Variants in EPHB2 observed in about 807,000 individuals in gnomAD.
The protein encoded by EPHB2 is ephrin type-B receptor 2.
Under a neutral mutation model 96.4 loss-of-function variants are expected in EPHB2, and 18 were observed. That is an observed-to-expected ratio of 0.19 (90% CI 0.13 to 0.28). The LOEUF (loss-of-function observed/expected upper bound fraction) is 0.28, where lower values mean the gene tolerates loss of function less well. EPHB2 is among the 10% of genes least tolerant of loss of function. EPHB2 has a pLI of 1.00. For missense variants in EPHB2, 989 were observed against 1,355.4 expected, an observed-to-expected ratio of 0.73 and a Z score of 4.25; for synonymous variants, 506 against 534.1, an observed-to-expected ratio of 0.95 and a Z score of 0.72.
Position 22,738,520 on chromosome 1 carries a change from CAAAGT to C in EPHB2, c.61+27480_61+27484del, listed in dbSNP as rs367840618. Among the ~76,000 whole-genome samples, 573 of 152,284 alleles carry C rather than the reference CAAAGT, an allele frequency of 3.8e-3. 5 individuals carry two copies. Among genetic ancestry groups the C allele is most frequent in the African/African-American group, 0.013 (543 of 41,558 alleles). ...ATGAGAAAACCAAGGTTCACAGAAG[CAAAGT>C]AATTTCCCAGAAGTCATCCAGGTAG... On this transcript the variant is annotated intron_variant, in intron 1 of 15. Coordinates refer to ENST00000374630, the MANE Select transcript of EPHB2 (RefSeq NM_017449.5).
chr1:22,750,529 T>G (rs1033104194), intron 1 of EPHB2, among the ~76,000 whole-genome samples: 1 of 152,174 alleles, frequency 6.6e-6, no homozygotes. Context: ...TCCCCTTCCC[T>G]TCTCCTCCGT....
At chr1:22,711,823 A>G (rs1416899227) in intron 1 of EPHB2, among the ~76,000 whole-genome samples, 1 of 152,162 alleles carries the variant, frequency 6.6e-6, no homozygotes, top group Non-Finnish European at 1.5e-5. Flanking sequence ...GGCCTTGGCC[A>G]GGGTCGCGGG....
chr1:22,843,821 G>T (rs572769460), intron 3 of EPHB2, among the ~76,000 whole-genome samples: 3 of 152,338 alleles, frequency 2.0e-5, no homozygotes, highest in East Asian at 1.9e-4. Context: ...GATTACAGGC[G>T]TGGGCCACCG....
intron 1 of EPHB2, among the ~76,000 whole-genome samples, chr1:22,739,812 C>T (rs1186670034): frequency 1.3e-5 from 2 of 152,126 alleles, no homozygotes; most frequent in East Asian, 3.9e-4. Flanking sequence ...CCCTCCCCCA[C>T]ATGCCCGGCC....
chr1:22,717,551 C>T (rs979008432), intron 1 of EPHB2, among the ~76,000 whole-genome samples: 1 of 152,194 alleles, frequency 6.6e-6, no homozygotes, highest in African/African-American at 2.4e-5. Flanking sequence ...GTGATCCACT[C>T]TCTGAGCCTC....
intron 3 of EPHB2, among the ~76,000 whole-genome samples, chr1:22,852,158 G>A (rs997179008): frequency 2.0e-5 from 3 of 152,218 alleles, no homozygotes; most frequent in Non-Finnish European, 4.4e-5. Context: ...TGCCTAGCAC[G>A]TGGTAGCCAG....
At chr1:22,737,360 C>T (rs980083866) in intron 1 of EPHB2, among the ~76,000 whole-genome samples, 10 of 152,280 alleles carry the variant, frequency 6.6e-5, no homozygotes, top group East Asian at 3.9e-4. Flanking sequence ...AACAGCTGCT[C>T]GTTGACCTGG....
At position 22,864,872 on chromosome 1, in the gene EPHB2, C is replaced by T. The variant is rs763649045; in HGVS notation, c.968-5C>T. ...CCACTGACCAACACCTCTCCCCCGC[C>T]CCAGCCATCCCCTCCGCGCCCCAGG... is the stretch of plus-strand genomic sequence containing the variant. On this transcript the variant is annotated splice_polypyrimidine_tract_variant and splice_region_variant and intron_variant, in intron 4 of 15. Transcript: ENST00000374630. The T allele has an allele frequency of 5.6e-6, 9 of 1,601,430 alleles. No homozygotes were observed. The highest frequency in any genetic ancestry group is 7.7e-6 in the Non-Finnish European group (9 of 1,174,054).
Position 22,733,988 on chromosome 1 carries a change from T to C in EPHB2, c.61+22945T>C, listed in dbSNP as rs1557642578. ...GAAGTTGAACCTGGGACTGGATTCTTGGCCTCCTGATCCCCAAAAACAAAA... is the reference window on the plus strand; with the variant it reads ...GAAGTTGAACCTGGGACTGGATTCTCGGCCTCCTGATCCCCAAAAACAAAA... On this transcript the variant is annotated intron_variant, in intron 1 of 15. Transcript: ENST00000374630. This position sits in a 1 kb window ranked among gnomAD's most constrained non-coding sequence, Gnocchi z 4.6. Among the ~76,000 whole-genome samples the C allele has an allele frequency of 6.6e-6, 1 of 152,226 alleles. No homozygotes were observed. Among genetic ancestry groups the C allele is most frequent in the African/African-American group, 2.4e-5 (1 of 41,454 alleles).
rs1262438672 is a variant in EPHB2, at chr1:22,754,977, G to GAGAGGTGA, written c.62-26444_62-26443insAGAGGTGA. ...GAGGGGCAGGAGAGGTGAGCCGAAG[G>GAGAGGTGA]GCCTGTGCCCTAGAGACAGCTCCAT... On this transcript the variant is annotated intron_variant, in intron 1 of 15. Transcript: ENST00000374630. 4.6e-5 allele frequency among the ~76,000 whole-genome samples: 7 copies of GAGAGGTGA among 151,950 alleles called. No individual in the cohort carries two copies. The East Asian group carries it at 9.7e-4, about 21-fold the overall frequency.
chr1:22,747,430 G>C (rs1440768497), intron 1 of EPHB2, among the ~76,000 whole-genome samples: 2 of 152,220 alleles, frequency 1.3e-5, no homozygotes, highest in Non-Finnish European at 2.9e-5. Flanking sequence ...GTTGATGCCA[G>C]ACCAACTAGG....
intron 1 of EPHB2, among the ~76,000 whole-genome samples, chr1:22,768,542 A>C (rs981025865): frequency 3.9e-5 from 6 of 151,960 alleles, no homozygotes; most frequent in African/African-American, 1.4e-4. Context: ...ATAAATAAGC[A>C]AGCAAGCAGG....
intron 3 of EPHB2, among the ~76,000 whole-genome samples, chr1:22,849,901 C>T (rs1356731574): frequency 2.0e-5 from 3 of 152,196 alleles, no homozygotes; most frequent in East Asian, 1.9e-4. Flanking sequence ...GCCCTGGGCC[C>T]GGGTAAAGGG....
intron 5 of EPHB2, among the ~76,000 whole-genome samples, 162 bp downstream of exon 5, chr1:22,865,374 C>G (rs1029897172): frequency 7.9e-5 from 12 of 152,350 alleles, no homozygotes; most frequent in African/African-American, 2.2e-4. Flanking sequence ...GCTACCTCTT[C>G]ATTGTAGTGG....
intron 3 of EPHB2, among the ~76,000 whole-genome samples, chr1:22,862,033 G>T (rs757895339): frequency 2.1e-4 from 32 of 152,356 alleles, no homozygotes; most frequent in Middle Eastern, 3.4e-3. Flanking sequence ...TCATAGCAGA[G>T]CTGGGTTCAT....
chr1:22,778,540 G>C (rs1866797), intron 1 of EPHB2, among the ~76,000 whole-genome samples: 3,779 of 152,316 alleles, frequency 0.025, 177 homozygotes, highest in African/African-American at 0.086. Context: ...AGGGGTGACA[G>C]GTTTCCCAGA....
chr1:22,766,711 C>T (rs1366149292), intron 1 of EPHB2, among the ~76,000 whole-genome samples: 1 of 152,190 alleles, frequency 6.6e-6, no homozygotes, highest in Admixed American at 6.5e-5. Context: ...GCATCCTGTC[C>T]CAGTGGGATG....
At chr1:22,905,046 A>C (rs1179197892) in intron 9 of EPHB2, among the ~76,000 whole-genome samples, 1 of 152,194 alleles carries the variant, frequency 6.6e-6, no homozygotes, top group African/African-American at 2.4e-5. Flanking sequence ...GAGGACTGGG[A>C]GGTCTGGATG....
At chr1:22,745,142 C>A (rs544219756) in intron 1 of EPHB2, among the ~76,000 whole-genome samples, 4 of 152,198 alleles carry the variant, frequency 2.6e-5, no homozygotes, top group Non-Finnish European at 5.9e-5. Flanking sequence ...GCACAATGTT[C>A]ACAGCAGCTT....
Sources: gnomAD v4.1 joint callset for allele counts (sites outside exome capture counted in the v4.1 genomes callset) on GRCh38, gnomAD v4.1.1 for gene constraint, Gnocchi (gnomAD v3.1) non-coding constraint, MANE v1.5 for transcripts, NCBI Gene and HGNC (gene_info 2026-07-23, HGNC 2026-07-21) for gene names.